FRMPD4: variants seen among roughly 807,000 people sequenced by gnomAD.
The protein encoded by FRMPD4 is FERM and PDZ domain containing 4, also known as FERM and PDZ domain-containing protein 4.
A neutral mutation model predicts 94.1 loss-of-function variants in FRMPD4; 22 were observed. The observed-to-expected ratio is 0.23, with a 90% CI of 0.17 to 0.33. FRMPD4 has a LOEUF of 0.33. Ranked by LOEUF, FRMPD4 falls within the 10% of genes least tolerant of loss-of-function variation. The probability of loss-of-function intolerance (pLI) is 1.00; values close to 1 mark genes in which losing one functional copy is unlikely to be tolerated. For synonymous variants in FRMPD4, 631 were observed against 548.6 expected (o/e 1.15, Z -2.10); for missense variants, 1,111 against 1,339.9 (o/e 0.83, Z 2.67).
intron 1 of FRMPD4, among the ~76,000 whole-genome samples, chrX:12,426,609 A>C (rs1057204229): frequency 9.0e-6 from 1 of 111,306 alleles, no homozygotes; most frequent in East Asian, 2.8e-4. Flanking sequence ...CTCTACCCTT[A>C]ATAGACCTTA....
At position 12,094,076 on chromosome X, in the gene FRMPD4, T is replaced by C. The variant is rs185838860; in HGVS notation, c.95+216058T>C. On this transcript the variant is annotated intron_variant, in intron 3 of 18. Coordinates refer to the FRMPD4 transcript ENST00000640291. ...CTCATTTGCAGTGGCCATTGTCTTC[T>C]GGGATTTAGGCTTGGTTTTCTCTAG... 4.7e-3 allele frequency among the ~76,000 whole-genome samples: 523 copies of C among 112,384 alleles called. 2 individuals carry two copies. The highest frequency in any genetic ancestry group is 0.015 in the African/African-American group (459 of 30,955).
intron 1 of FRMPD4, chrX:12,395,630 TA>T (rs2095182669): frequency 8.9e-6 from 1 of 111,987 alleles, no homozygotes; most frequent in Non-Finnish European, 1.9e-5. Context: ...GTTATTTGGC[TA>T]CATATTTTAC....
intron 4 of FRMPD4, among the ~76,000 whole-genome samples, chrX:12,640,296 C>CAAA (rs1157854116): frequency 0.03 from 712 of 23,781 alleles, 108 homozygotes; most frequent in African/African-American, 0.12. Flanking sequence ...GAGGCTGTCT[C>CAAA]AAAAAAAAAA....
At chrX:12,353,303 A>C (rs2055843491) in intron 1 of FRMPD4, among the ~76,000 whole-genome samples, 1 of 112,264 alleles carries the variant, frequency 8.9e-6, no homozygotes, top group African/African-American at 3.2e-5. Context: ...CCGATTCTAG[A>C]GGCTGTGCTA....
intron 1 of FRMPD4, among the ~76,000 whole-genome samples, chrX:12,173,215 G>T (rs183441036): frequency 2.6e-3 from 292 of 112,616 alleles, no homozygotes; most frequent in Non-Finnish European, 4.0e-3. Context: ...AGCTATGGTT[G>T]TATGAGGCAG....
intron 4 of FRMPD4, among the ~76,000 whole-genome samples, chrX:12,663,420 A>C (rs1355642883): frequency 2.7e-5 from 3 of 112,171 alleles, no homozygotes; most frequent in Non-Finnish European, 3.8e-5. Flanking sequence ...ATGGCTAGCC[A>C]ATTTTCCCAA....
intron 3 of FRMPD4, among the ~76,000 whole-genome samples, chrX:11,967,402 A>C (rs1157188902): frequency 8.9e-6 from 1 of 112,636 alleles, no homozygotes; most frequent in African/African-American, 3.2e-5. Context: ...TGAGACCCTG[A>C]TGGATGCTCT....
chrX:12,042,290 C>T (rs892174084), intron 3 of FRMPD4, among the ~76,000 whole-genome samples: 13 of 108,460 alleles, frequency 1.2e-4, no homozygotes, highest in African/African-American at 4.0e-4. Flanking sequence ...TTGTTGAATG[C>T]TGGACATTTT....
intron 4 of FRMPD4, among the ~76,000 whole-genome samples, chrX:12,615,466 T>C (rs748419527): frequency 1.8e-4 from 20 of 111,982 alleles, no homozygotes; most frequent in Non-Finnish European, 3.8e-4. Context: ...CACCAGAAAA[T>C]GTATTTTATG....
chrX:12,027,319 C>T (rs1160838180), intron 3 of FRMPD4, among the ~76,000 whole-genome samples: 1 of 112,192 alleles, frequency 8.9e-6, no homozygotes, highest in African/African-American at 3.2e-5. Flanking sequence ...TTTGTTCTCT[C>T]ATCAGTCCAA....
At chrX:12,168,187 G>C (rs777674611) in intron 1 of FRMPD4, among the ~76,000 whole-genome samples, 54 of 111,443 alleles carry the variant, frequency 4.8e-4, no homozygotes, top group African/African-American at 1.7e-3. Flanking sequence ...ATAGATGAAA[G>C]GTGTCTAGGA....
chrX:11,900,777 A>G (rs1277249101), intron 3 of FRMPD4, among the ~76,000 whole-genome samples: 1 of 111,527 alleles, frequency 9.0e-6, no homozygotes, highest in Non-Finnish European at 1.9e-5. Flanking sequence ...GTTGGGTGGT[A>G]GTGGGGGGAT....
chrX:12,540,386 T>C (rs1351053708), intron 2 of FRMPD4, among the ~76,000 whole-genome samples: 1 of 111,307 alleles, frequency 9.0e-6, no homozygotes, highest in Non-Finnish European at 1.9e-5. Context: ...AATAAAGGGA[T>C]GGAGGAAGAT....
At chrX:12,115,584 T>C (rs1481510353) in intron 3 of FRMPD4, among the ~76,000 whole-genome samples, 1 of 110,705 alleles carries the variant, frequency 9.0e-6, no homozygotes, top group African/African-American at 3.3e-5. Context: ...TGTTGGCTCT[T>C]GTCCACACTG....
intron 1 of FRMPD4, among the ~76,000 whole-genome samples, chrX:11,825,036 T>A (rs976349352): frequency 1.8e-5 from 2 of 111,538 alleles, no homozygotes; most frequent in Non-Finnish European, 3.8e-5. Context: ...TTTCTCATTT[T>A]ATTTTTAGAA....
intron 2 of FRMPD4, among the ~76,000 whole-genome samples, chrX:12,551,206 C>T (rs2058533672): frequency 9.0e-6 from 1 of 110,771 alleles, no homozygotes; most frequent in Non-Finnish European, 1.9e-5. Context: ...GAGAAGAGTA[C>T]ACTGAACTCC....
intron 1 of FRMPD4, among the ~76,000 whole-genome samples, chrX:12,270,667 TA>T (rs2054342023): frequency 8.9e-6 from 1 of 111,886 alleles, no homozygotes; most frequent in Non-Finnish European, 1.9e-5. Context: ...GTAATATATA[TA>T]GAAAAAATAA....
intron 1 of FRMPD4, among the ~76,000 whole-genome samples, chrX:12,423,074 T>C (rs1213655374): frequency 9.1e-6 from 1 of 110,467 alleles, no homozygotes; most frequent in African/African-American, 3.3e-5. Flanking sequence ...GTCTAGAGGC[T>C]ATAACCTTGT....
chrX:12,157,608 C>T (rs746386605), intron 1 of FRMPD4, among the ~76,000 whole-genome samples: 6 of 112,175 alleles, frequency 5.3e-5, no homozygotes, highest in East Asian at 2.8e-4. Context: ...TCTACTGAGG[C>T]GCTGGGTGAA....
Sources: allele counts gnomAD v4.1 joint callset (sites outside exome capture counted in the v4.1 genomes callset), GRCh38; gene constraint gnomAD v4.1.1; transcripts MANE v1.5; gene names NCBI Gene and HGNC (gene_info 2026-07-23, HGNC 2026-07-21).